Variants in KCNA2 observed in about 807,000 individuals in gnomAD.
The protein encoded by KCNA2 is potassium channel, voltage gated shaker related subfamily A, member 2.
Under a neutral mutation model 33.4 loss-of-function variants are expected in KCNA2, and 11 were observed. That is an observed-to-expected ratio of 0.33 (90% CI 0.21 to 0.55). The LOEUF (loss-of-function observed/expected upper bound fraction) is 0.55. Ranked by LOEUF, KCNA2 falls within the 20% of genes least tolerant of loss-of-function variation. The pLI, the probability that KCNA2 is intolerant of heterozygous loss-of-function variation, is 0.93. For synonymous variants in KCNA2, 222 were observed against 231.3 expected, an observed-to-expected ratio of 0.96 and a Z score of 0.37; for missense variants, 291 against 621.6, an observed-to-expected ratio of 0.47 and a Z score of 5.66.
chr1:110,596,966 G>A lies in KCNA2; in HGVS notation c.*6317C>T, dbSNP rs57762187. 4.9e-3 allele frequency: 4,803 copies of A among 985,376 alleles called. 171 individuals are homozygous for A. In the African/African-American group the frequency reaches 0.076, roughly 16 times the overall value. 61.0% of individuals were successfully genotyped at this position (985,376 alleles called of 1,614,324 possible). On this transcript the variant is annotated 3_prime_UTR_variant, in exon 3 of 3. Coordinates refer to ENST00000316361, the MANE Select transcript of KCNA2 (RefSeq NM_004974.4). ...ACTCTTCTGAAGCCCCTGGCTATGT[G>A]TGCAAATATTTGTGCAGCTGCACAC...
Position 110,597,219 on chromosome 1 carries a change from C to T in KCNA2, c.*6064G>A. 1.0e-6 allele frequency: 1 copy of T among 985,438 alleles called. No homozygotes were observed. Among genetic ancestry groups the T allele is most frequent in the Non-Finnish European group, 1.2e-6 (1 of 829,944 alleles). 61.0% of individuals were successfully genotyped at this position (985,438 alleles called of 1,614,324 possible). ...TGCAAACCTCCAGGCCACATTCCCT[C>T]AGCATCCGTCTCCCTGGGGAAGGGA... On this transcript the variant is annotated 3_prime_UTR_variant, in exon 3 of 3. Transcript: ENST00000316361.
In KCNA2 at chr1:110,596,816, G is replaced by A. The variant is rs1649116531; in HGVS notation, c.*6467C>T. 1 of 985,284 alleles carries A rather than the reference G, an allele frequency of 1.0e-6. No individual in the cohort carries two copies. Among genetic ancestry groups the A allele is most frequent in the Non-Finnish European group, 1.2e-6 (1 of 829,944 alleles). The allele number at this position is 985,284 out of a possible 1,614,324, so 61.0% of individuals were successfully genotyped here. On this transcript the variant is annotated 3_prime_UTR_variant, in exon 3 of 3. Transcript: ENST00000316361. ...GAGGTTTCCCCATCAGTTAACTGAG[G>A]TTTTGCTGTACATATGTGTATAGAG...
rs1327770602 is a variant in KCNA2 at position 110,600,215 on chromosome 1, A to G, written c.*3068T>C. 3.2e-5 allele frequency: 31 copies of G among 981,476 alleles called. No individual in the cohort carries two copies. The highest frequency in any genetic ancestry group is 3.6e-5 in the African/African-American group (2 of 55,656). 60.8% of individuals were successfully genotyped at this position (981,476 alleles called of 1,614,324 possible). On this transcript the variant is annotated 3_prime_UTR_variant, in exon 3 of 3. Coordinates refer to ENST00000316361, the MANE Select transcript of KCNA2 (RefSeq NM_004974.4). ...GTCTGCATTTCATGTGTATTGTGCG[A>G]TATTTTTGGGCATGTGTGCTATGTA...
upstream of KCNA2, among the ~76,000 whole-genome samples, chr1:110,608,343 G>A (rs983613358): frequency 1.3e-5 from 2 of 152,232 alleles, no homozygotes; most frequent in African/African-American, 4.8e-5. Flanking sequence ...GGGTCACCTA[G>A]ACAGGTGTGC....
At chr1:110,608,828 G>A (rs1649767837), upstream of KCNA2, among the ~76,000 whole-genome samples, 2 of 152,138 alleles carry the variant, frequency 1.3e-5, no homozygotes, top group South Asian at 4.1e-4. Context: ...GAAAAATCAG[G>A]ATGCCCCTAA....
intron 1 of KCNA2, among the ~76,000 whole-genome samples, chr1:110,623,197 G>A (rs1650303426): frequency 6.6e-6 from 1 of 152,180 alleles, no homozygotes; most frequent in South Asian, 2.1e-4. Context: ...TGATAAAGAT[G>A]CAAAGGTAGA....
Position 110,594,318 on chromosome 1 carries a change from T to TAG in KCNA2, c.*8964_*8965insCT. 1.1e-6 allele frequency: 1 copy of TAG among 915,388 alleles called. No homozygotes were observed. The highest frequency in any genetic ancestry group is 1.2e-4 in the East Asian group (1 of 8,424). 56.7% of individuals were successfully genotyped at this position (915,388 alleles called of 1,614,324 possible). On this transcript the variant is annotated 3_prime_UTR_variant, in exon 3 of 3. Transcript: ENST00000316361. ...CTATATATATATATACATATATATA[T>TAG]ATATGTGTGTGTATATATATATACA... is the stretch of plus-strand genomic sequence containing the variant.
At position 110,600,800 on chromosome 1, in the gene KCNA2, G is replaced by A; in HGVS notation, c.*2483C>T. 1 of 985,416 alleles carries A rather than the reference G, an allele frequency of 1.0e-6. No individual in the cohort carries two copies. Among genetic ancestry groups the A allele is most frequent in the Non-Finnish European group, 1.2e-6 (1 of 829,942 alleles). 61.0% of individuals were successfully genotyped at this position (985,416 alleles called of 1,614,324 possible). Reference sequence around the variant, plus strand: ...GAGAAGCACAGAGGCTTTGTGCTGGGCATGGGATGCCCTGCAGATACCTGG... The same window carrying A: ...GAGAAGCACAGAGGCTTTGTGCTGGACATGGGATGCCCTGCAGATACCTGG... On this transcript the variant is annotated 3_prime_UTR_variant, in exon 3 of 3. Coordinates refer to ENST00000316361, the MANE Select transcript of KCNA2 (RefSeq NM_004974.4).
rs1649011121 is a variant in KCNA2, at chr1:110,594,489, G to A, written c.*8794C>T. ...AACTAGAGAATCTTCCTTGATTGCTGGCACCATTAATCGCAACTGTTCCAA... is the reference window on the plus strand; with the variant it reads ...AACTAGAGAATCTTCCTTGATTGCTAGCACCATTAATCGCAACTGTTCCAA... On this transcript the variant is annotated 3_prime_UTR_variant, in exon 3 of 3. Coordinates refer to ENST00000316361, the MANE Select transcript of KCNA2 (RefSeq NM_004974.4). The A allele has an allele frequency of 1.0e-6, 1 of 985,210 alleles. No homozygotes were observed. Among genetic ancestry groups the A allele is most frequent in the Admixed American group, 6.2e-5 (1 of 16,258 alleles). 61.0% of individuals were successfully genotyped at this position (985,210 alleles called of 1,614,324 possible). A position where few individuals can be genotyped will look rare whatever the true frequency, so the allele number is the denominator to read the frequency against.
chr1:110,601,378 C>G lies in KCNA2; in HGVS notation c.*1905G>C, dbSNP rs1649334995. ...TCAAAGCAGGGGATCCATTCTGGCT[C>G]TTTAGCGAAAGGTTTGTGAAAGTGA... On this transcript the variant is annotated 3_prime_UTR_variant, in exon 3 of 3. Transcript: ENST00000316361. 2.0e-6 allele frequency: 2 copies of G among 985,312 alleles called. No homozygotes were observed. The highest frequency in any genetic ancestry group is 2.4e-6 in the Non-Finnish European group (2 of 829,966). 61.0% of individuals were successfully genotyped at this position (985,312 alleles called of 1,614,324 possible). A position where few individuals can be genotyped will look rare whatever the true frequency, so the allele number is the denominator to read the frequency against.
At position 110,598,536 on chromosome 1, in the gene KCNA2, A is replaced by C; in HGVS notation, c.*4747T>G. 1 of 985,364 alleles carries C rather than the reference A, an allele frequency of 1.0e-6. No individual in the cohort carries two copies. Among genetic ancestry groups the C allele is most frequent in the African/African-American group, 1.7e-5 (1 of 57,332 alleles). The allele number at this position is 985,364 out of a possible 1,614,324, so 61.0% of individuals were successfully genotyped here. A position where few individuals can be genotyped will look rare whatever the true frequency, so the allele number is the denominator to read the frequency against. Reference sequence around the variant, plus strand: ...ATAATATAGTGAGAGATCCAGGAAGAATAGGTAGAACAAGCTAGTCCTGGG... The same window carrying C: ...ATAATATAGTGAGAGATCCAGGAAGCATAGGTAGAACAAGCTAGTCCTGGG... On this transcript the variant is annotated 3_prime_UTR_variant, in exon 3 of 3. Coordinates refer to ENST00000316361, the MANE Select transcript of KCNA2 (RefSeq NM_004974.4).
In KCNA2 at chr1:110,598,043, G is replaced by A. The variant is rs1570747255; in HGVS notation, c.*5240C>T. 1.0e-6 allele frequency: 1 copy of A among 985,452 alleles called. No homozygotes were observed. Among genetic ancestry groups the A allele is most frequent in the East Asian group, 1.1e-4 (1 of 8,810 alleles). The allele number at this position is 985,452 out of a possible 1,614,324, so 61.0% of individuals were successfully genotyped here. ...AGATGATGGTCACAATAGCTACTGA[G>A]AGAGCTCCCAGCATCCCCCTCTCTG... is the stretch of plus-strand genomic sequence containing the variant. On this transcript the variant is annotated 3_prime_UTR_variant, in exon 3 of 3. Transcript: ENST00000316361.
upstream of KCNA2, among the ~76,000 whole-genome samples, chr1:110,610,155 A>T (rs1461133605): frequency 6.6e-6 from 1 of 152,206 alleles, no homozygotes; most frequent in Non-Finnish European, 1.5e-5. Flanking sequence ...CCTGCTTGAG[A>T]GCCAGGCCCT....
chr1:110,596,325 T>G lies in KCNA2; in HGVS notation c.*6958A>C, dbSNP rs532587634. The G allele has an allele frequency of 2.1e-5, 10 of 481,162 alleles. No individual in the cohort carries two copies. Among genetic ancestry groups the G allele is most frequent in the Non-Finnish European group, 2.7e-5 (10 of 371,978 alleles). 29.8% of individuals were successfully genotyped at this position (481,162 alleles called of 1,614,324 possible). ...CTATAATTTAAAAATAGTATACATA[T>G]ATACATATACTATATATATATATAT... On this transcript the variant is annotated 3_prime_UTR_variant, in exon 3 of 3. Coordinates refer to ENST00000316361, the MANE Select transcript of KCNA2 (RefSeq NM_004974.4).
upstream of KCNA2, chr1:110,606,469 G>A (rs1649620258): frequency 6.6e-6 from 1 of 152,222 alleles, no homozygotes; most frequent in Admixed American, 6.5e-5. Context: ...GCCGGCCCCA[G>A]GGCGGGGAGG....
rs1649063195 is a variant in KCNA2, at chr1:110,595,666, G to A, written c.*7617C>T. The A allele has an allele frequency of 1.0e-6, 1 of 985,458 alleles. No individual in the cohort carries two copies. The highest frequency in any genetic ancestry group is 1.2e-6 in the Non-Finnish European group (1 of 829,958). The allele number at this position is 985,458 out of a possible 1,614,324, so 61.0% of individuals were successfully genotyped here. Reference sequence around the variant, plus strand: ...TAGCTTGCATCCAGCTGTTTCTTGAGTGATGTGTACAGCTTACCCCCAAAG... The same window carrying A: ...TAGCTTGCATCCAGCTGTTTCTTGAATGATGTGTACAGCTTACCCCCAAAG... On this transcript the variant is annotated 3_prime_UTR_variant, in exon 3 of 3. Coordinates refer to ENST00000316361, the MANE Select transcript of KCNA2 (RefSeq NM_004974.4).
chr1:110,622,015 C>T (rs1650270616), intron 1 of KCNA2, among the ~76,000 whole-genome samples: 1 of 152,096 alleles, frequency 6.6e-6, no homozygotes, highest in Non-Finnish European at 1.5e-5. Context: ...GCCAGCATTA[C>T]ACTTATACCA....
intron 1 of KCNA2, among the ~76,000 whole-genome samples, chr1:110,612,818 A>C (rs1649918524): frequency 6.6e-6 from 1 of 152,206 alleles, no homozygotes; most frequent in South Asian, 2.1e-4. Flanking sequence ...CTGGAAGTCC[A>C]CACTGGCATC....
Position 110,597,852 on chromosome 1 carries a change from T to C in KCNA2, c.*5431A>G. 1 of 984,410 alleles carries C rather than the reference T, an allele frequency of 1.0e-6. No homozygotes were observed. 61.0% of individuals were successfully genotyped at this position (984,410 alleles called of 1,614,324 possible). A position where few individuals can be genotyped will look rare whatever the true frequency, so the allele number is the denominator to read the frequency against. ...AAACACAAACTATGAGAGATGAAGC[T>C]GAGATTTGGTGGGAAGGGAAGCAGA... is the stretch of plus-strand genomic sequence containing the variant. On this transcript the variant is annotated 3_prime_UTR_variant, in exon 3 of 3. Transcript: ENST00000316361.
Sources: allele counts gnomAD v4.1 joint callset (sites outside exome capture counted in the v4.1 genomes callset), GRCh38; gene constraint gnomAD v4.1.1; transcripts MANE v1.5; gene names NCBI Gene and HGNC (gene_info 2026-07-23, HGNC 2026-07-21).